The following DAPK1 variants were observed in gnomAD, a reference collection of about 807,000 sequenced individuals.
DAPK1 encodes death-associated protein kinase 1.
In DAPK1, 56 loss-of-function variants were observed where a neutral mutation model predicts 144.9. The observed-to-expected ratio is 0.39, with a 90% CI of 0.31 to 0.48. DAPK1 has a LOEUF of 0.48. Ranked by LOEUF, DAPK1 falls within the 20% of genes least tolerant of loss-of-function variation. The pLI is 0.95. For synonymous variants in DAPK1, 690 were observed against 749.0 expected (o/e 0.92, Z 1.29); for missense variants, 1,454 against 1,875.4 (o/e 0.78, Z 4.15).
chr9:87,638,950 T>A (rs1587797811), intron 4 of DAPK1, among the ~76,000 whole-genome samples: 1 of 152,314 alleles, frequency 6.6e-6, no homozygotes, highest in Non-Finnish European at 1.5e-5. Flanking sequence ...CAGAAGCAAC[T>A]GTCAGCCATG....
chr9:87,618,679 A>G (rs1489039489), intron 3 of DAPK1, among the ~76,000 whole-genome samples: 2 of 152,194 alleles, frequency 1.3e-5, no homozygotes, highest in Non-Finnish European at 2.9e-5. Flanking sequence ...CTATGATTTT[A>G]TTGACATGAA....
intron 2 of DAPK1, among the ~76,000 whole-genome samples, chr9:87,546,862 GA>G (rs137881323): frequency 1.8e-4 from 27 of 149,788 alleles, no homozygotes; most frequent in Non-Finnish European, 3.4e-4. Flanking sequence ...GCTTTATAAA[GA>G]AAAAAAAAAT....
chr9:87,596,632 G>C (rs1828329472), intron 2 of DAPK1, among the ~76,000 whole-genome samples: 1 of 152,180 alleles, frequency 6.6e-6, no homozygotes, highest in Non-Finnish European at 1.5e-5. Flanking sequence ...CCTGCATTCA[G>C]GGTGGTTTGG....
chr9:87,652,269 C>T (rs1401977093), intron 17 of DAPK1, among the ~76,000 whole-genome samples: 3 of 137,906 alleles, frequency 2.2e-5, no homozygotes, highest in Admixed American at 2.1e-4. Context: ...GTCCATCCCC[C>T]CGATCCCGGG....
chr9:87,507,502 G>C (rs1336066305), intron 2 of DAPK1, among the ~76,000 whole-genome samples: 1 of 152,224 alleles, frequency 6.6e-6, no homozygotes, highest in Non-Finnish European at 1.5e-5. Context: ...ACCGCATCTG[G>C]TGTTCACGGG....
chr9:87,530,700 A>G (rs1825668933), intron 2 of DAPK1, among the ~76,000 whole-genome samples: 1 of 152,162 alleles, frequency 6.6e-6, no homozygotes, highest in East Asian at 1.9e-4. Context: ...TTCTGACATT[A>G]TGGGACAGAC....
At chr9:87,510,177 G>C (rs1824781938) in intron 2 of DAPK1, among the ~76,000 whole-genome samples, 1 of 152,192 alleles carries the variant, frequency 6.6e-6, no homozygotes, top group African/African-American at 2.4e-5. Flanking sequence ...TCGTTGGCTG[G>C]AAGAGATAAC....
chr9:87,614,914 G>T (rs1330639384), intron 3 of DAPK1, among the ~76,000 whole-genome samples: 1 of 152,184 alleles, frequency 6.6e-6, no homozygotes, highest in East Asian at 1.9e-4. Context: ...CCACATCCAG[G>T]TCTTGCTGTG....
At chr9:87,652,628 C>T (rs1830491612) in intron 17 of DAPK1, among the ~76,000 whole-genome samples, 1 of 141,162 alleles carries the variant, frequency 7.1e-6, no homozygotes, top group Non-Finnish European at 1.5e-5. Flanking sequence ...CTGTGTCCTC[C>T]CACCTGATAC....
At chr9:87,512,597 C>T (rs1824889577) in intron 2 of DAPK1, among the ~76,000 whole-genome samples, 1 of 152,198 alleles carries the variant, frequency 6.6e-6, no homozygotes, top group Non-Finnish European at 1.5e-5. Context: ...TTCTGTTCCC[C>T]TGGAGTGGGG....
chr9:87,652,997 G>A (rs534118411), intron 17 of DAPK1, among the ~76,000 whole-genome samples: 6 of 138,016 alleles, frequency 4.3e-5, no homozygotes, highest in East Asian at 2.1e-4. Flanking sequence ...CCATCCCCCC[G>A]ATCCCGGGTC....
At chr9:87,498,909 T>G (rs978031137) in intron 1 of DAPK1, 61 bp from the exon 2 acceptor site, 8 of 552,118 alleles carry the variant, frequency 1.4e-5, no homozygotes, top group South Asian at 5.3e-5. Flanking sequence ...GCCGGGGAGG[T>G]CTACTTCCTT....
At chr9:87,684,189 G>T (rs1272064160) in intron 20 of DAPK1, among the ~76,000 whole-genome samples, 3 of 152,232 alleles carry the variant, frequency 2.0e-5, no homozygotes. Flanking sequence ...TTGGCAGAGG[G>T]TATGTGTGTT....
chr9:87,593,482 A>C (rs1189434305), intron 2 of DAPK1, among the ~76,000 whole-genome samples: 1 of 152,254 alleles, frequency 6.6e-6, no homozygotes, highest in African/African-American at 2.4e-5. Flanking sequence ...GAGCAGGGTG[A>C]ATATTGGAGG....
At chr9:87,639,621 A>G in intron 5 of DAPK1, 29 bp from the exon 6 acceptor site, 2 of 1,613,758 alleles carry the variant, frequency 1.2e-6, no homozygotes, top group Non-Finnish European at 1.7e-6. Flanking sequence ...GCTTCCTCCC[A>G]AGCTAAATGA....
intron 21 of DAPK1, among the ~76,000 whole-genome samples, chr9:87,690,217 ACCTC>A (rs1825008395): frequency 2.0e-5 from 3 of 151,642 alleles, no homozygotes; most frequent in Admixed American, 6.6e-5. Context: ...GGGGTCTTTC[ACCTC>A]TTTGGTTAAA....
intron 2 of DAPK1, among the ~76,000 whole-genome samples, chr9:87,534,260 T>TG (rs1554678285): frequency 1.4e-3 from 206 of 150,574 alleles, no homozygotes; most frequent in African/African-American, 4.7e-3. Context: ...TTTTTTTTGT[T>TG]TTTTTTTTTA....
intron 2 of DAPK1, among the ~76,000 whole-genome samples, chr9:87,567,009 T>C (rs1222479778): frequency 6.6e-6 from 1 of 152,198 alleles, no homozygotes; most frequent in East Asian, 1.9e-4. Flanking sequence ...GGGTTGCTAA[T>C]GCAGAGAGAA....
At position 87,605,513 on chromosome 9, in the gene DAPK1, CT is replaced by C. The variant is rs202233484; in HGVS notation, c.284+339del. On this transcript the variant is annotated intron_variant, in intron 3 of 25. Coordinates refer to ENST00000408954, the MANE Select transcript of DAPK1 (RefSeq NM_004938.4). Reference sequence around the variant, plus strand: ...AGCTTCAAGCATATGTCCTTCTCCCCTCTCACTCTATTCCTTTCCTCTCTCT... The same window carrying C: ...AGCTTCAAGCATATGTCCTTCTCCCCCTCACTCTATTCCTTTCCTCTCTCT... Among the ~76,000 whole-genome samples, 859 of 151,060 alleles carry C rather than the reference CT, an allele frequency of 5.7e-3. 6 individuals carry two copies. Among genetic ancestry groups the C allele is most frequent in the African/African-American group, 0.02 (810 of 41,078 alleles).
Sources: allele counts gnomAD v4.1 joint callset (sites outside exome capture counted in the v4.1 genomes callset), GRCh38; gene constraint gnomAD v4.1.1; transcripts MANE v1.5; gene names NCBI Gene and HGNC (gene_info 2026-07-23, HGNC 2026-07-21).